Variants in SLC6A2 observed in about 807,000 individuals in gnomAD.
SLC6A2 encodes sodium-dependent noradrenaline transporter.
In SLC6A2, 26 loss-of-function variants were observed where a neutral mutation model predicts 71.7. The ratio of observed to expected loss-of-function variants is 0.36; its 90% CI spans 0.27 to 0.50. The LOEUF (loss-of-function observed/expected upper bound fraction) is 0.50, where lower values mean the gene tolerates loss of function less well. Among genes scored for constraint, SLC6A2 ranks in the 20% least tolerant of loss-of-function variants. The pLI, the probability that SLC6A2 is intolerant of heterozygous loss-of-function variation, is 0.96. For synonymous variants in SLC6A2, 363 were observed against 337.9 expected (o/e 1.07, Z -0.82); for missense variants, 581 against 803.9 (o/e 0.72, Z 3.35).
intron 5 of SLC6A2, among the ~76,000 whole-genome samples, chr16:55,690,358 T>C (rs1460207213): frequency 1.3e-5 from 2 of 152,248 alleles, no homozygotes; most frequent in South Asian, 2.1e-4. Flanking sequence ...TCCTTAAACA[T>C]AAGTTTGAGA....
intron 9 of SLC6A2, among the ~76,000 whole-genome samples, 172 bp from the exon 10 acceptor site, chr16:55,697,724 AG>A (rs1386880756): frequency 7.0e-5 from 6 of 85,712 alleles, no homozygotes; most frequent in Non-Finnish European, 2.0e-4. Context: ...GCCTGAGAAC[AG>A]GACAGAAATG....
intron 12 of SLC6A2, 150 bp downstream of exon 12, chr16:55,699,804 G>T: frequency 1.4e-6 from 1 of 714,398 alleles, no homozygotes; most frequent in Non-Finnish European, 2.5e-6. Flanking sequence ...GCTTGGCCCT[G>T]TGGATAACGT....
intron 6 of SLC6A2, among the ~76,000 whole-genome samples, chr16:55,692,730 A>G (rs1376659891): frequency 6.6e-6 from 1 of 152,154 alleles, no homozygotes; most frequent in Non-Finnish European, 1.5e-5. Flanking sequence ...CTATCTTACA[A>G]TTCTCCAGGG....
intron 13 of SLC6A2, among the ~76,000 whole-genome samples, chr16:55,701,552 T>G (rs1965971387): frequency 6.6e-6 from 1 of 152,174 alleles, no homozygotes; most frequent in East Asian, 1.9e-4. Context: ...TGTTTGTTCA[T>G]TGCCAGTCCC....
At chr16:55,678,696 C>T (rs961038190) in intron 4 of SLC6A2, among the ~76,000 whole-genome samples, 2 of 152,208 alleles carry the variant, frequency 1.3e-5, no homozygotes, top group Admixed American at 6.5e-5. Flanking sequence ...AAGTCTCCCT[C>T]CAGCCTAGTA....
rs557553057 is a variant in SLC6A2 at position 55,698,188 on chromosome 16, G to C, written c.1389+163G>C. The stretch of plus-strand genomic sequence containing the variant: ...TGACCCACTAGGGTTAGGCCCAGTA[G>C]TCTTCTTCCATCTCTGATGCTGAGG... On this transcript the variant is annotated intron_variant, in intron 10 of 14. Transcript: ENST00000568943. 1.1e-3 allele frequency among the ~76,000 whole-genome samples: 168 copies of C among 152,248 alleles called. 1 individual carries two copies. Among genetic ancestry groups the C allele is most frequent in the Non-Finnish European group, 6.9e-4 (47 of 68,014 alleles).
chr16:55,697,483 C>T (rs778525683), intron 9 of SLC6A2, among the ~76,000 whole-genome samples: 56 of 152,190 alleles, frequency 3.7e-4, no homozygotes, highest in Non-Finnish European at 6.0e-4. Context: ...AAACTGCTGC[C>T]TGAAGTTCCC....
chr16:55,699,288 T>C (rs117123124), intron 11 of SLC6A2, among the ~76,000 whole-genome samples: 1 of 152,316 alleles, frequency 6.6e-6, no homozygotes, highest in East Asian at 1.9e-4. Flanking sequence ...GCTCTGGAAT[T>C]TGGGGCAAAT....
At chr16:55,695,531 C>T (rs1374978997) in intron 8 of SLC6A2, 129 bp downstream of exon 8, 3 of 1,023,986 alleles carry the variant, frequency 2.9e-6, no homozygotes, top group African/African-American at 1.6e-5. Flanking sequence ...TCCAAACCAC[C>T]CATGTGATTG....
chr16:55,673,798 G>T (rs544278794), intron 4 of SLC6A2, among the ~76,000 whole-genome samples: 1 of 152,280 alleles, frequency 6.6e-6, no homozygotes, highest in East Asian at 1.9e-4. Flanking sequence ...CTGGCCTCAG[G>T]TGATCCACCC....
Position 55,702,414 on chromosome 16 carries a change from A to C in SLC6A2, c.*68A>C, listed in dbSNP as rs1966001309. 6.2e-7 allele frequency: 1 copy of C among 1,613,622 alleles called. No homozygotes were observed. The highest frequency in any genetic ancestry group is 1.3e-5 in the African/African-American group (1 of 74,864). ...GGTCACAGGCATCCGCTGCGCTCCCACCTCGGACACCATCTTGGGATTCCT... is the reference window on the plus strand; with the variant it reads ...GGTCACAGGCATCCGCTGCGCTCCCCCCTCGGACACCATCTTGGGATTCCT... On this transcript the variant is annotated 3_prime_UTR_variant, in exon 15 of 15. Transcript: ENST00000568943.
chr16:55,702,210 A>T (rs1256679999), intron 14 of SLC6A2, 113 bp from the exon 15 acceptor site: 10 of 1,044,474 alleles, frequency 9.6e-6, no homozygotes, highest in Non-Finnish European at 6.1e-6. Context: ...GAGGTCCGTG[A>T]AGGAAGGGGG....
In SLC6A2 at chr16:55,704,499, G is replaced by C. The variant is rs1451548968; in HGVS notation, c.*2153G>C. 7 of 152,350 alleles carry C rather than the reference G, an allele frequency of 4.6e-5. No individual in the cohort carries two copies. The East Asian group carries it at 5.8e-4, about 13-fold the overall frequency. The allele number at this position is 152,350 out of a possible 1,614,324, so 9.4% of individuals were successfully genotyped here. Reference sequence around the variant, plus strand: ...TTAGCAAAAGAACAATGTGTTGGAGGATGGGAAGGGGCGAGAGAATGCCAT... The same window carrying C: ...TTAGCAAAAGAACAATGTGTTGGAGCATGGGAAGGGGCGAGAGAATGCCAT... On this transcript the variant is annotated 3_prime_UTR_variant, in exon 15 of 15. Coordinates refer to ENST00000568943, the MANE Select transcript of SLC6A2 (RefSeq NM_001172501.3).
chr16:55,681,235 C>T (rs1366360808), intron 4 of SLC6A2, among the ~76,000 whole-genome samples: 1 of 152,176 alleles, frequency 6.6e-6, no homozygotes, highest in Non-Finnish European at 1.5e-5. Flanking sequence ...GTAACTCAGC[C>T]CTCATCACAG....
At chr16:55,664,114 C>A (rs1035664311) in intron 2 of SLC6A2, among the ~76,000 whole-genome samples, 1 of 152,146 alleles carries the variant, frequency 6.6e-6, no homozygotes, top group Non-Finnish European at 1.5e-5. Flanking sequence ...GAGGCAAACA[C>A]GTGGAGGTTC....
chr16:55,685,913 G>A (rs187148548), intron 5 of SLC6A2, among the ~76,000 whole-genome samples: 182 of 152,274 alleles, frequency 1.2e-3, no homozygotes, highest in African/African-American at 4.3e-3. Context: ...AGCCTCTCAT[G>A]GGTGGGAATA....
At chr16:55,698,790 C>A (rs558723231) in intron 11 of SLC6A2, among the ~76,000 whole-genome samples, 6 of 152,258 alleles carry the variant, frequency 3.9e-5, no homozygotes, top group Non-Finnish European at 8.8e-5. Context: ...AAAAGAGGAA[C>A]CCTTAGGAAA....
chr16:55,662,700 G>A (rs1596948590), intron 2 of SLC6A2, among the ~76,000 whole-genome samples: 1 of 152,198 alleles, frequency 6.6e-6, no homozygotes, highest in Admixed American at 6.5e-5. Context: ...ACGAGCAGAT[G>A]GAGAATTACC....
At position 55,698,466 on chromosome 16, in the gene SLC6A2, C is replaced by G; in HGVS notation, c.1390-3C>G. The G allele has an allele frequency of 7.4e-6, 12 of 1,611,102 alleles. No homozygotes were observed. The highest frequency in any genetic ancestry group is 1.0e-5 in the Non-Finnish European group (12 of 1,177,244). On this transcript the variant is annotated splice_region_variant and splice_polypyrimidine_tract_variant and intron_variant, in intron 10 of 14. Transcript: ENST00000568943. ...CTCTTGGCTTCTTCTCTCCCTGTGC[C>G]AGGGTGGAATTTACGTCTTGACCCT...
Sources: allele counts gnomAD v4.1 joint callset (sites outside exome capture counted in the v4.1 genomes callset), GRCh38; gene constraint gnomAD v4.1.1; transcripts MANE v1.5; gene names NCBI Gene and HGNC (gene_info 2026-07-23, HGNC 2026-07-21).